Variants in COL8A1 observed in about 807,000 individuals in gnomAD.
COL8A1 encodes the protein collagen type VIII alpha 1 chain.
COL8A1 carries 21 observed loss-of-function variants against 42.7 expected under a neutral mutation model. That is an observed-to-expected ratio of 0.49 (90% CI 0.35 to 0.71). The LOEUF (loss-of-function observed/expected upper bound fraction) is 0.71. Ranked by LOEUF, COL8A1 falls within the 30% of genes least tolerant of loss-of-function variation. The probability of loss-of-function intolerance (pLI) is 0.01; values close to 1 mark genes in which losing one functional copy is unlikely to be tolerated. For missense variants in COL8A1, 788 were observed against 962.4 expected, an observed-to-expected ratio of 0.82 and a Z score of 2.40; for synonymous variants, 367 against 369.1, an observed-to-expected ratio of 0.99 and a Z score of 0.06.
intron 1 of COL8A1, chr3:99,685,570 T>G (rs1215593785): frequency 6.6e-6 from 1 of 152,188 alleles, no homozygotes; most frequent in African/African-American, 2.4e-5. Context: ...CTCTGTCTCA[T>G]GTTATGGAAT....
chr3:99,758,907 C>T (rs1204781489), intron 2 of COL8A1, among the ~76,000 whole-genome samples: 2 of 152,072 alleles, frequency 1.3e-5, no homozygotes, highest in Non-Finnish European at 2.9e-5. Flanking sequence ...TCTAAGCACT[C>T]TACACATACT....
In COL8A1 at chr3:99,692,629, CTA is replaced by C. The variant is rs1254414259; in HGVS notation, c.-128-52266_-128-52265del. Among the ~76,000 whole-genome samples the C allele has an allele frequency of 2.0e-5, 3 of 152,220 alleles. No homozygotes were observed. The East Asian group carries it at 5.8e-4, about 29-fold the overall frequency. ...ATGTGTTCTTCAATTTGCCTCAAGA[CTA>C]TTCTAGGTTTTGCCTGGGAAAAAGT... On this transcript the variant is annotated intron_variant, in intron 1 of 3. Coordinates refer to ENST00000652472, the MANE Select transcript of COL8A1 (RefSeq NM_020351.4).
At chr3:99,721,414 GGGGAAA>G (rs1194374592) in intron 1 of COL8A1, among the ~76,000 whole-genome samples, 30 of 111,622 alleles carry the variant, frequency 2.7e-4, no homozygotes, top group Non-Finnish European at 4.5e-4. Flanking sequence ...AAAGGGGAAA[GGGGAAA>G]GGGAAAGGGA....
At chr3:99,788,301 T>A (rs1049732606) in intron 2 of COL8A1, among the ~76,000 whole-genome samples, 3 of 152,200 alleles carry the variant, frequency 2.0e-5, no homozygotes, top group African/African-American at 7.2e-5. Flanking sequence ...GCTGAGCCTA[T>A]GAGAGGAAAT....
chr3:99,666,080 G>T (rs1053001159), intron 1 of COL8A1, among the ~76,000 whole-genome samples: 1 of 152,064 alleles, frequency 6.6e-6, no homozygotes, highest in African/African-American at 2.4e-5. Context: ...GAAACCTGTA[G>T]GTGTGATGTC....
chr3:99,650,442 AT>A (rs375180335), intron 1 of COL8A1, among the ~76,000 whole-genome samples: 82 of 150,086 alleles, frequency 5.5e-4, no homozygotes, highest in East Asian at 2.2e-3. Flanking sequence ...TTTATTTTTA[AT>A]TTTTTTTTTG....
chr3:99,777,423 A>G, intron 2 of COL8A1, among the ~76,000 whole-genome samples: 1 of 152,182 alleles, frequency 6.6e-6, no homozygotes, highest in East Asian at 1.9e-4. Context: ...GGGAAAGTAA[A>G]ATAAATTGCA....
chr3:99,684,672 AAGGT>A (rs1233620862), intron 1 of COL8A1, among the ~76,000 whole-genome samples: 1 of 152,110 alleles, frequency 6.6e-6, no homozygotes, highest in African/African-American at 2.4e-5. Flanking sequence ...ATCATTTCTT[AAGGT>A]AGAGTTGTAT....
At chr3:99,716,827 T>C (rs1379849073) in intron 1 of COL8A1, among the ~76,000 whole-genome samples, 1 of 152,086 alleles carries the variant, frequency 6.6e-6, no homozygotes, top group East Asian at 1.9e-4. Context: ...ACAAATGCTA[T>C]TATTAGTCAT....
In COL8A1 at chr3:99,798,845, TGA is replaced by T. The variant is rs1288123707; in HGVS notation, c.*2711_*2712del. On this transcript the variant is annotated 3_prime_UTR_variant, in exon 4 of 4. Coordinates refer to ENST00000652472, the MANE Select transcript of COL8A1 (RefSeq NM_020351.4). ...TATCTATGTGCCTGTATTTCCCTTTTGAGTGCTGCACAACATGTTAACATATT... is the reference window on the plus strand; with the variant it reads ...TATCTATGTGCCTGTATTTCCCTTTTGTGCTGCACAACATGTTAACATATT... 6.6e-6 allele frequency: 1 copy of T among 152,262 alleles called. No individual in the cohort carries two copies. Among genetic ancestry groups the T allele is most frequent in the Non-Finnish European group, 1.5e-5 (1 of 68,036 alleles). The allele number at this position is 152,262 out of a possible 1,614,324, so 9.4% of individuals were successfully genotyped here.
intron 1 of COL8A1, among the ~76,000 whole-genome samples, chr3:99,731,226 A>T (rs1427832397): frequency 6.6e-6 from 1 of 152,024 alleles, no homozygotes; most frequent in Non-Finnish European, 1.5e-5. Context: ...AATATATATA[A>T]AAATGAGTGC....
chr3:99,730,863 T>C (rs1278964893), intron 1 of COL8A1, among the ~76,000 whole-genome samples: 1 of 152,174 alleles, frequency 6.6e-6, no homozygotes, highest in Non-Finnish European at 1.5e-5. Context: ...ATTGAAGCTA[T>C]GTACTTAACT....
chr3:99,759,914 G>A (rs367893173), intron 2 of COL8A1, among the ~76,000 whole-genome samples: 1 of 152,018 alleles, frequency 6.6e-6, no homozygotes, highest in East Asian at 1.9e-4. Context: ...CTTTGAAAGG[G>A]GCCACTTGGC....
At chr3:99,730,769 G>A (rs1312607939) in intron 1 of COL8A1, among the ~76,000 whole-genome samples, 1 of 152,096 alleles carries the variant, frequency 6.6e-6, no homozygotes, top group Non-Finnish European at 1.5e-5. Context: ...TTAAAATACT[G>A]ATTTGACAAA....
intron 1 of COL8A1, among the ~76,000 whole-genome samples, chr3:99,712,941 C>T (rs891072736): frequency 3.9e-5 from 6 of 152,034 alleles, no homozygotes; most frequent in African/African-American, 9.7e-5. Flanking sequence ...GCCAGAAAGT[C>T]GTCTCAAGTC....
At chr3:99,721,815 AAAAAAC>A (rs985719347) in intron 1 of COL8A1, among the ~76,000 whole-genome samples, 7 of 152,062 alleles carry the variant, frequency 4.6e-5, no homozygotes, top group Non-Finnish European at 8.8e-5. Flanking sequence ...CTGATATGTG[AAAAAAC>A]AAAAGGACGG....
chr3:99,649,359 A>G (rs1032323630), intron 1 of COL8A1, among the ~76,000 whole-genome samples: 1 of 152,098 alleles, frequency 6.6e-6, no homozygotes, highest in Admixed American at 6.5e-5. Context: ...GCACATAATA[A>G]GGGCTTAATA....
Position 99,694,762 on chromosome 3 carries a change from T to C in COL8A1, c.-128-50135T>C, listed in dbSNP as rs112063289. ...TCTTATATAAGATTGCAGGGCTTTA[T>C]TGATAGATCAGCATTCTTCAGTGTG... is the stretch of plus-strand genomic sequence containing the variant. On this transcript the variant is annotated intron_variant, in intron 1 of 3. Transcript: ENST00000652472. Among the ~76,000 whole-genome samples the C allele has an allele frequency of 3.6e-3, 542 of 152,350 alleles. 3 individuals carry two copies. Among genetic ancestry groups the C allele is most frequent in the African/African-American group, 0.013 (523 of 41,582 alleles).
chr3:99,786,179 C>T (rs972536491), intron 2 of COL8A1, among the ~76,000 whole-genome samples: 3 of 152,278 alleles, frequency 2.0e-5, no homozygotes, highest in East Asian at 1.9e-4. Context: ...CATTCCCTAC[C>T]GTTCTTTCCA....
Sources: gnomAD v4.1 joint callset for allele counts (sites outside exome capture counted in the v4.1 genomes callset) on GRCh38, gnomAD v4.1.1 for gene constraint, MANE v1.5 for transcripts, NCBI Gene and HGNC (gene_info 2026-07-23, HGNC 2026-07-21) for gene names.